GABBR2: variants seen among roughly 807,000 people sequenced by gnomAD.
GABBR2 encodes the protein gamma-aminobutyric acid type B receptor subunit 2.
A neutral mutation model predicts 105.6 loss-of-function variants in GABBR2; 23 were observed. That is an observed-to-expected ratio of 0.22 (90% CI 0.16 to 0.31). GABBR2 has a LOEUF of 0.31. GABBR2 is among the 10% of genes least tolerant of loss of function. GABBR2 has a pLI of 1.00. For synonymous variants in GABBR2, 478 were observed against 499.7 expected (o/e 0.96, Z 0.58); for missense variants, 734 against 1,245.5 (o/e 0.59, Z 6.18).
chr9:98,455,820 C>T (rs2131605976), intron 6 of GABBR2, among the ~76,000 whole-genome samples: 1 of 152,182 alleles, frequency 6.6e-6, no homozygotes, highest in Non-Finnish European at 1.5e-5. Context: ...GTGCCAAGTG[C>T]CCCCGGCTGT....
intron 3 of GABBR2, among the ~76,000 whole-genome samples, chr9:98,504,912 A>G (rs556134323): frequency 1.1e-4 from 17 of 152,230 alleles, no homozygotes; most frequent in Admixed American, 2.0e-4. Flanking sequence ...AGGAACTGCC[A>G]TTAATTTAAG....
At chr9:98,334,264 A>G (rs1047096820) in intron 13 of GABBR2, among the ~76,000 whole-genome samples, 5 of 152,262 alleles carry the variant, frequency 3.3e-5, no homozygotes, top group Non-Finnish European at 7.3e-5. Context: ...ATTATGCACA[A>G]TTGGAAGCTA....
chr9:98,494,508 C>T (rs978712744), intron 4 of GABBR2, among the ~76,000 whole-genome samples: 4 of 152,112 alleles, frequency 2.6e-5, no homozygotes, highest in African/African-American at 4.8e-5. Context: ...CTCAGAAGTA[C>T]GTGCAGAGCA....
intron 7 of GABBR2, among the ~76,000 whole-genome samples, chr9:98,447,592 T>TA (rs1055541223): frequency 4.0e-5 from 6 of 150,880 alleles, no homozygotes; most frequent in African/African-American, 1.5e-4. Flanking sequence ...TATTTTGACT[T>TA]AAAAAAACCA....
chr9:98,486,322 G>A (rs568689069), intron 4 of GABBR2, among the ~76,000 whole-genome samples: 15 of 152,226 alleles, frequency 9.9e-5, no homozygotes, highest in African/African-American at 3.6e-4. Context: ...TGCAGCAACA[G>A]CTAACTGAGA....
chr9:98,344,436 A>G (rs1303294743), intron 13 of GABBR2, among the ~76,000 whole-genome samples: 1 of 152,210 alleles, frequency 6.6e-6, no homozygotes, highest in Non-Finnish European at 1.5e-5. Context: ...CAATCTTTCC[A>G]TCAGACTCTA....
At chr9:98,464,214 A>G (rs1167327904) in intron 6 of GABBR2, among the ~76,000 whole-genome samples, 7 of 142,126 alleles carry the variant, frequency 4.9e-5, no homozygotes, top group Non-Finnish European at 9.2e-5. Flanking sequence ...GCCACCCATC[A>G]TCTGGGATGT....
intron 3 of GABBR2, among the ~76,000 whole-genome samples, chr9:98,532,930 A>G (rs1485786004): frequency 6.6e-6 from 1 of 152,216 alleles, no homozygotes; most frequent in African/African-American, 2.4e-5. Context: ...CAACACCTAC[A>G]TCATCTATAA....
intron 1 of GABBR2, among the ~76,000 whole-genome samples, chr9:98,616,932 C>A (rs1829594789): frequency 6.6e-6 from 1 of 152,164 alleles, no homozygotes; most frequent in Admixed American, 6.6e-5. Flanking sequence ...TTGTTAATTT[C>A]TCTGCCCTCA....
At chr9:98,501,163 T>A (rs1453624251) in intron 3 of GABBR2, among the ~76,000 whole-genome samples, 20 of 145,920 alleles carry the variant, frequency 1.4e-4, no homozygotes, top group African/African-American at 4.8e-4. Flanking sequence ...CTTTTTTTTT[T>A]AATTAATTAA....
chr9:98,439,504 G>A (rs549609498), intron 7 of GABBR2, among the ~76,000 whole-genome samples: 11 of 152,234 alleles, frequency 7.2e-5, no homozygotes, highest in African/African-American at 2.4e-4. Context: ...CACTAATATC[G>A]GGCTTCTAGG....
At chr9:98,341,997 G>T (rs1298101014) in intron 13 of GABBR2, among the ~76,000 whole-genome samples, 1 of 152,166 alleles carries the variant, frequency 6.6e-6, no homozygotes, top group Non-Finnish European at 1.5e-5. Flanking sequence ...TTTGAGCCAG[G>T]CACTGGTGGT....
chr9:98,707,051 G>T lies in GABBR2; in HGVS notation c.321+1366C>A, dbSNP rs200412303. 1.3e-4 allele frequency among the ~76,000 whole-genome samples: 20 copies of T among 152,340 alleles called. No individual in the cohort carries two copies. In the East Asian group the frequency reaches 3.3e-3, roughly 25 times the overall value. On this transcript the variant is annotated intron_variant, in intron 1 of 18. Transcript: ENST00000259455. ...GCGCGTACCGCTGCCAACTGCCACC[G>T]GTTCCTTCACCTTTTATTTACAGCG... is the stretch of plus-strand genomic sequence containing the variant.
intron 1 of GABBR2, among the ~76,000 whole-genome samples, chr9:98,667,507 C>A (rs1830351789): frequency 6.6e-6 from 1 of 152,126 alleles, no homozygotes; most frequent in Non-Finnish European, 1.5e-5. Context: ...CAGGGGCAGC[C>A]CACATCCAGT....
At chr9:98,510,104 G>A (rs1281885569) in intron 3 of GABBR2, among the ~76,000 whole-genome samples, 1 of 152,176 alleles carries the variant, frequency 6.6e-6, no homozygotes, top group Non-Finnish European at 1.5e-5. Flanking sequence ...GAAGAGAGTG[G>A]GGACCAATAT....
chr9:98,503,488 G>C (rs1827445411), intron 3 of GABBR2, among the ~76,000 whole-genome samples: 1 of 152,134 alleles, frequency 6.6e-6, no homozygotes, highest in Non-Finnish European at 1.5e-5. Flanking sequence ...TGAGGGGCAG[G>C]GACATGAGGG....
chr9:98,299,099 G>C (rs1336072726), intron 17 of GABBR2, 125 bp downstream of exon 17: 1 of 806,924 alleles, frequency 1.2e-6, no homozygotes, highest in Non-Finnish European at 2.1e-6. Context: ...AGCTCTGTGT[G>C]TGTGACTTCA....
chr9:98,450,777 A>G (rs1826216685), intron 7 of GABBR2, among the ~76,000 whole-genome samples: 1 of 152,230 alleles, frequency 6.6e-6, no homozygotes, highest in Admixed American at 6.5e-5. Flanking sequence ...CATTAAAAAG[A>G]AACTCATCCT....
At chr9:98,581,694 T>C (rs923937899) in intron 1 of GABBR2, among the ~76,000 whole-genome samples, 3 of 152,182 alleles carry the variant, frequency 2.0e-5, no homozygotes, top group Admixed American at 1.3e-4. Flanking sequence ...TTTTGGAATC[T>C]ACCATGATTT....
Sources: allele counts gnomAD v4.1 joint callset (sites outside exome capture counted in the v4.1 genomes callset), GRCh38; gene constraint gnomAD v4.1.1; transcripts MANE v1.5; gene names NCBI Gene and HGNC (gene_info 2026-07-23, HGNC 2026-07-21).